The following ANKRD36 variants were observed in gnomAD, a reference collection of about 807,000 sequenced individuals.
The protein encoded by ANKRD36 is ankyrin repeat domain 36, also known as ankyrin repeat domain-containing protein 36A.
ANKRD36 carries 179 observed loss-of-function variants against 278.1 expected under a neutral mutation model. The ratio of observed to expected loss-of-function variants is 0.64; its 90% CI spans 0.57 to 0.73. The LOEUF (loss-of-function observed/expected upper bound fraction) is 0.73, where lower values mean the gene tolerates loss of function less well. Among genes scored for constraint, ANKRD36 ranks in the 30% least tolerant of loss-of-function variants. The pLI, the probability that ANKRD36 is intolerant of heterozygous loss-of-function variation, is 0.00. For missense variants in ANKRD36, 1,159 were observed against 1,956.7 expected (o/e 0.59, Z 7.69); for synonymous variants, 320 against 641.1 (o/e 0.50, Z 7.57).
intron 58 of ANKRD36, among the ~76,000 whole-genome samples, chr2:97,212,315 T>C (rs1166446368): frequency 2.0e-5 from 3 of 151,898 alleles, no homozygotes; most frequent in East Asian, 2.0e-4. Flanking sequence ...TAAAAGAAGA[T>C]TTGATTTTGG....
intron 75 of ANKRD36, among the ~76,000 whole-genome samples, chr2:97,260,784 G>T (rs1275421074): frequency 3.8e-5 from 4 of 106,132 alleles, no homozygotes; most frequent in African/African-American, 1.5e-4. Flanking sequence ...TAGCATAACT[G>T]CCCTCATCAA....
intron 68 of ANKRD36, among the ~76,000 whole-genome samples, chr2:97,240,362 GT>G (rs1367442465): frequency 1.5e-4 from 22 of 151,298 alleles, no homozygotes; most frequent in Non-Finnish European, 2.8e-4. Context: ...TTTAACTGTT[GT>G]TTTTTTTTAT....
At chr2:97,211,109 C>T (rs1322724520) in intron 56 of ANKRD36, among the ~76,000 whole-genome samples, 4 of 151,852 alleles carry the variant, frequency 2.6e-5, no homozygotes, top group South Asian at 4.2e-4. Flanking sequence ...AGTTATTGGG[C>T]AAGTTAAAGA....
At chr2:97,152,361 C>G in intron 13 of ANKRD36, 143 bp from the exon 14 acceptor site, 2 of 580,878 alleles carry the variant, frequency 3.4e-6, no homozygotes, top group Non-Finnish European at 6.0e-6. Flanking sequence ...GTCTCAAACT[C>G]CTTGGCTTCT....
At chr2:97,213,033 T>C in intron 58 of ANKRD36, 1 of 475,808 alleles carries the variant, frequency 2.1e-6, no homozygotes, top group Non-Finnish European at 3.6e-6. Flanking sequence ...TAAATCCTTC[T>C]GATTTCTTGC....
intron 6 of ANKRD36, among the ~76,000 whole-genome samples, chr2:97,141,228 C>CACACACATATAT (rs754117026): frequency 6.7e-6 from 1 of 148,260 alleles, no homozygotes; most frequent in Admixed American, 6.8e-5. Context: ...GCAATCATGA[C>CACACACATATAT]ATATATATAT....
chr2:97,124,395 T>C, intron 4 of ANKRD36, 65 bp from the exon 5 acceptor site: 2 of 1,501,692 alleles, frequency 1.3e-6, no homozygotes, highest in Non-Finnish European at 1.8e-6. Flanking sequence ...ATTAAGTTGA[T>C]AAAGTATATA....
intron 22 of ANKRD36, among the ~76,000 whole-genome samples, 174 bp from the exon 23 acceptor site, chr2:97,179,564 T>C (rs1380756674): frequency 6.6e-6 from 1 of 151,604 alleles, no homozygotes; most frequent in Non-Finnish European, 1.5e-5. Flanking sequence ...TCCTATTTTC[T>C]TCAGTGTATT....
intron 6 of ANKRD36, among the ~76,000 whole-genome samples, chr2:97,131,974 C>G (rs185092175): frequency 1.3e-5 from 2 of 151,686 alleles, no homozygotes; most frequent in South Asian, 4.2e-4. Flanking sequence ...GACTACAGGC[C>G]TGCACCACCA....
At chr2:97,256,290 GA>G (rs1422796275) in intron 75 of ANKRD36, among the ~76,000 whole-genome samples, 1 of 151,426 alleles carries the variant, frequency 6.6e-6, no homozygotes. Context: ...CTGGGAGGCG[GA>G]GGCTGCAGTT....
At chr2:97,206,449 G>A (rs1212416622) in intron 52 of ANKRD36, among the ~76,000 whole-genome samples, 1 of 151,438 alleles carries the variant, frequency 6.6e-6, no homozygotes, top group Non-Finnish European at 1.5e-5. Flanking sequence ...AAGGGTGGAA[G>A]GAGAAAGAGA....
Position 97,209,393 on chromosome 2 carries a change from C to T in ANKRD36, c.3266-288C>T, listed in dbSNP as rs1236770471. Reference sequence around the variant, plus strand: ...TCCTCTGATTTTAGATCACATTTGTCCTCATCACTCGGCATATCCACATTG... The same window carrying T: ...TCCTCTGATTTTAGATCACATTTGTTCTCATCACTCGGCATATCCACATTG... On this transcript the variant is annotated intron_variant, in intron 54 of 75. Transcript: ENST00000420699. Among the ~76,000 whole-genome samples, 39 of 146,638 alleles carry T rather than the reference C, an allele frequency of 2.7e-4. 6 individuals carry two copies. The highest frequency in any genetic ancestry group is 1.0e-3 in the African/African-American group (38 of 37,740).
chr2:97,122,993 G>T lies in ANKRD36; in HGVS notation c.593G>T (p.Arg198Ile). ...GTAAATGCCATTGATTATCTTGGCA[G>T]GTACAGACCTTAGTTCTTATTGTGT... is the stretch of plus-strand genomic sequence containing the variant. ...ANVNAIDYLG[R>I]SALIHAVTLG... Residue 198 changes from arginine to isoleucine, a missense_variant and splice_region_variant, in exon 4 of 76, where the codon AGA (arginine) becomes ATA (isoleucine). By Grantham distance (97) the Arg-to-Ile change is moderately conservative (BLOSUM62 -3). Coordinates refer to ENST00000420699, the MANE Select transcript of ANKRD36 (RefSeq NM_001354587.1). The T allele has an allele frequency of 6.5e-7, 1 of 1,534,498 alleles. No homozygotes were observed. The highest frequency in any genetic ancestry group is 8.8e-7 in the Non-Finnish European group (1 of 1,137,482).
At chr2:97,193,397 A>G (rs969895364) in intron 38 of ANKRD36, among the ~76,000 whole-genome samples, 2 of 137,134 alleles carry the variant, frequency 1.5e-5, no homozygotes. Context: ...GAATTTACAC[A>G]CTTCAGCTCG....
At chr2:97,231,630 C>T (rs779727041) in intron 67 of ANKRD36, among the ~76,000 whole-genome samples, 21 of 152,108 alleles carry the variant, frequency 1.4e-4, no homozygotes, top group Non-Finnish European at 3.1e-4. Context: ...ACACACGGTG[C>T]ACTGCACCCA....
chr2:97,210,522 T>C (rs1264510758), intron 56 of ANKRD36, among the ~76,000 whole-genome samples: 2 of 151,846 alleles, frequency 1.3e-5, no homozygotes, highest in Admixed American at 1.3e-4. Flanking sequence ...GACTCATTAC[T>C]CCTCTTTGTT....
At chr2:97,225,613 G>T (rs1388156940) in intron 67 of ANKRD36, among the ~76,000 whole-genome samples, 2 of 152,028 alleles carry the variant, frequency 1.3e-5, no homozygotes, top group African/African-American at 4.8e-5. Flanking sequence ...GTAAGAATTT[G>T]CTTTTCTTTT....
intron 22 of ANKRD36, among the ~76,000 whole-genome samples, chr2:97,170,255 C>T (rs1459630856): frequency 6.6e-6 from 1 of 151,612 alleles, no homozygotes; most frequent in African/African-American, 2.4e-5. Context: ...CCCTTCCTTA[C>T]ACCTTATACA....
chr2:97,220,789 T>TTTTTTTTTTA (rs2067376044), intron 66 of ANKRD36, among the ~76,000 whole-genome samples: 1 of 127,156 alleles, frequency 7.9e-6, no homozygotes, highest in African/African-American at 3.1e-5. Flanking sequence ...TTTTTTTTTT[T>TTTTTTTTTTA]ATTATACTCT....
Sources: allele counts gnomAD v4.1 joint callset (sites outside exome capture counted in the v4.1 genomes callset), GRCh38; gene constraint gnomAD v4.1.1; transcripts MANE v1.5; gene names NCBI Gene and HGNC (gene_info 2026-07-23, HGNC 2026-07-21).